Variants in MAD1L1 observed in about 807,000 individuals in gnomAD.
The protein encoded by MAD1L1 is mitotic spindle assembly checkpoint protein MAD1.
MAD1L1 carries 95 observed loss-of-function variants against 96.9 expected under a neutral mutation model. The observed-to-expected ratio is 0.98, with a 90% CI of 0.83 to 1.16. MAD1L1 has a LOEUF of 1.16. Among genes scored for constraint, MAD1L1 ranks in the 50% most tolerant of loss-of-function variants. The pLI, the probability that MAD1L1 is intolerant of heterozygous loss-of-function variation, is 0.00. For synonymous variants in MAD1L1, 473 were observed against 396.6 expected, an observed-to-expected ratio of 1.19 and a Z score of -2.29; for missense variants, 1,007 against 954.4, an observed-to-expected ratio of 1.06 and a Z score of -0.73.
At chr7:2,117,529 T>G (rs146980505) in intron 11 of MAD1L1, among the ~76,000 whole-genome samples, 111 of 152,320 alleles carry the variant, frequency 7.3e-4, no homozygotes, top group African/African-American at 2.5e-3. Flanking sequence ...ACAGGGGCAG[T>G]TACCCCCATA....
intron 11 of MAD1L1, among the ~76,000 whole-genome samples, chr7:2,122,592 ACT>A (rs894004022): frequency 4.0e-5 from 6 of 151,256 alleles, no homozygotes; most frequent in African/African-American, 1.5e-4. Context: ...ACAGAGCGAG[ACT>A]CTGTTTCAAA....
chr7:1,935,313 C>T (rs755394674), intron 17 of MAD1L1, among the ~76,000 whole-genome samples: 4 of 152,228 alleles, frequency 2.6e-5, no homozygotes, highest in African/African-American at 4.8e-5. Flanking sequence ...CAGTGGAGAC[C>T]GGGAGCAGCC....
chr7:1,929,321 A>G (rs1317395881), intron 17 of MAD1L1, among the ~76,000 whole-genome samples: 1 of 152,126 alleles, frequency 6.6e-6, no homozygotes, highest in Non-Finnish European at 1.5e-5. Flanking sequence ...ATCACCTTCA[A>G]TGTGCTGCTA....
chr7:2,163,766 C>T (rs1218362143), intron 10 of MAD1L1, among the ~76,000 whole-genome samples: 1 of 152,156 alleles, frequency 6.6e-6, no homozygotes, highest in Non-Finnish European at 1.5e-5. Flanking sequence ...GCACTGGACG[C>T]CCTGGAGGCA....
intron 2 of MAD1L1, 145 bp from the exon 3 acceptor site, chr7:2,230,288 A>G: frequency 1.8e-6 from 1 of 568,520 alleles, no homozygotes; most frequent in Non-Finnish European, 3.0e-6. Context: ...ACATTCTTCA[A>G]TGGCAACTGG....
rs149269275 is a variant in MAD1L1 at position 1,903,862 on chromosome 7, G to A, written c.1808-5472C>T. ...TTGATCAAGCACTGTTCCAGGCAGC[G>A]AGGACGCAGTGGCCTATGGAAGATG... On this transcript the variant is annotated intron_variant, in intron 17 of 18. Transcript: ENST00000265854. Among the ~76,000 whole-genome samples, 879 of 138,676 alleles carry A rather than the reference G, an allele frequency of 6.3e-3. 36 individuals are homozygous for A. The highest frequency in any genetic ancestry group is 0.023 in the African/African-American group (806 of 35,712). The allele number at this position is 138,676 out of a possible 152,430, so 91.0% of individuals were successfully genotyped here. A position where few individuals can be genotyped will look rare whatever the true frequency, so the allele number is the denominator to read the frequency against.
chr7:1,902,920 G>T lies in MAD1L1; in HGVS notation c.1808-4530C>A, dbSNP rs12667229. 7.3e-4 allele frequency among the ~76,000 whole-genome samples: 107 copies of T among 147,104 alleles called. 2 individuals carry two copies. The highest frequency in any genetic ancestry group is 3.8e-3 in the Middle Eastern group (1 of 260). ...GAGGATGCAGTGGCCTATGGAAGAC[G>T]TTCTTGTGGAACTCATGATTGATGA... On this transcript the variant is annotated intron_variant, in intron 17 of 18. Transcript: ENST00000265854.
intron 11 of MAD1L1, among the ~76,000 whole-genome samples, chr7:2,078,362 G>A (rs898183175): frequency 2.0e-5 from 3 of 152,176 alleles, no homozygotes; most frequent in Non-Finnish European, 4.4e-5. Context: ...CAGGCCCCTC[G>A]CTGCGAATGG....
chr7:1,892,435 G>A (rs536042808), intron 18 of MAD1L1, among the ~76,000 whole-genome samples: 4 of 152,314 alleles, frequency 2.6e-5, no homozygotes, highest in African/African-American at 9.6e-5. Context: ...GGGACCAAGT[G>A]TCTGGGATTT....
At chr7:1,933,564 G>T (rs1260045503) in intron 17 of MAD1L1, among the ~76,000 whole-genome samples, 1 of 152,228 alleles carries the variant, frequency 6.6e-6, no homozygotes, top group Admixed American at 6.5e-5. Context: ...GGTCTGTAGG[G>T]CTGCCTAGCA....
intron 10 of MAD1L1, among the ~76,000 whole-genome samples, chr7:2,151,075 G>C (rs73039236): frequency 0.026 from 3,970 of 152,324 alleles, 91 homozygotes; most frequent in South Asian, 0.069. Context: ...ATTCTCTCCA[G>C]TTTCCCAAAG....
intron 11 of MAD1L1, among the ~76,000 whole-genome samples, chr7:2,073,091 CT>C (rs1376792455): frequency 1.3e-5 from 2 of 152,210 alleles, no homozygotes; most frequent in Non-Finnish European, 1.5e-5. Context: ...ATCCCACTCT[CT>C]GCAGCCTAGG....
chr7:1,924,109 A>G (rs1458994983), intron 17 of MAD1L1, among the ~76,000 whole-genome samples: 1 of 152,278 alleles, frequency 6.6e-6, no homozygotes, highest in Admixed American at 6.5e-5. Flanking sequence ...ACAGGCGCCA[A>G]GATGACGGAG....
At chr7:1,900,154 G>T (rs752679424) in intron 17 of MAD1L1, among the ~76,000 whole-genome samples, 2 of 152,220 alleles carry the variant, frequency 1.3e-5, no homozygotes, top group African/African-American at 2.4e-5. Flanking sequence ...TCACTGCCTG[G>T]CTATGACAGC....
intron 18 of MAD1L1, among the ~76,000 whole-genome samples, chr7:1,867,452 G>T (rs572091631): frequency 1.3e-5 from 2 of 152,232 alleles, no homozygotes; most frequent in African/African-American, 2.4e-5. Flanking sequence ...TCTGGGGGCC[G>T]CAGGAATTGG....
intron 15 of MAD1L1, among the ~76,000 whole-genome samples, chr7:1,961,840 G>A (rs919762372): frequency 6.6e-6 from 1 of 151,974 alleles, no homozygotes; most frequent in Non-Finnish European, 1.5e-5. Context: ...TGAATCACAG[G>A]GCGGTTTCCC....
At chr7:1,969,959 A>AC (rs1420455053) in intron 15 of MAD1L1, among the ~76,000 whole-genome samples, 1 of 152,250 alleles carries the variant, frequency 6.6e-6, no homozygotes, top group Non-Finnish European at 1.5e-5. Flanking sequence ...CTGAAAAAGA[A>AC]CCACCACCAG....
At position 2,080,089 on chromosome 7, in the gene MAD1L1, G is replaced by C. The variant is rs138507177; in HGVS notation, c.1074-10751C>G. Reference sequence around the variant, plus strand: ...GCCCCAAGGGGCCACATGGCCAACAGGCAGGCAGCAGGCGGGTGGGCCAGC... The same window carrying C: ...GCCCCAAGGGGCCACATGGCCAACACGCAGGCAGCAGGCGGGTGGGCCAGC... On this transcript the variant is annotated intron_variant, in intron 11 of 18. Coordinates refer to ENST00000265854, the MANE Select transcript of MAD1L1 (RefSeq NM_001013836.2). The C allele has an allele frequency of 4.8e-4, 96 of 200,318 alleles. 2 individuals are homozygous for C. In the East Asian group the frequency reaches 0.015, roughly 32 times the overall value. 12.4% of individuals were successfully genotyped at this position (200,318 alleles called of 1,614,324 possible).
intron 10 of MAD1L1, among the ~76,000 whole-genome samples, chr7:2,173,964 C>T (rs1790831452): frequency 6.6e-6 from 1 of 152,126 alleles, no homozygotes; most frequent in Admixed American, 6.5e-5. Context: ...CCAGCACACC[C>T]AGCTGCTGCT....
Sources: gnomAD v4.1 joint callset for allele counts (sites outside exome capture counted in the v4.1 genomes callset) on GRCh38, gnomAD v4.1.1 for gene constraint, MANE v1.5 for transcripts, NCBI Gene and HGNC (gene_info 2026-07-23, HGNC 2026-07-21) for gene names.